Variants in SDK2 observed in about 807,000 individuals in gnomAD.
SDK2 encodes sidekick cell adhesion molecule 2.
SDK2 carries 105 observed loss-of-function variants against 253.9 expected under a neutral mutation model. The observed-to-expected ratio is 0.41, with a 90% CI of 0.35 to 0.49. SDK2 has a LOEUF of 0.49. Among genes scored for constraint, SDK2 ranks in the 20% least tolerant of loss-of-function variants. The probability of loss-of-function intolerance (pLI) is 0.06; values close to 1 mark genes in which losing one functional copy is unlikely to be tolerated. For missense variants in SDK2, 2,608 were observed against 3,003.0 expected (o/e 0.87, Z 3.07); for synonymous variants, 1,249 against 1,234.9 (o/e 1.01, Z -0.24).
chr17:73,433,076 T>C (rs2063340510), intron 10 of SDK2, among the ~76,000 whole-genome samples: 2 of 152,142 alleles, frequency 1.3e-5, no homozygotes. Context: ...TATCGTTTCC[T>C]GGGCTTTCGG....
chr17:73,557,042 G>C (rs2045154114), intron 1 of SDK2, among the ~76,000 whole-genome samples: 1 of 152,322 alleles, frequency 6.6e-6, no homozygotes, highest in South Asian at 2.1e-4. Flanking sequence ...GCAGACACTG[G>C]GGTTGGCCTT....
chr17:73,566,158 C>CT (rs1195598748), intron 1 of SDK2, among the ~76,000 whole-genome samples: 1 of 152,154 alleles, frequency 6.6e-6, no homozygotes, highest in East Asian at 1.9e-4. Flanking sequence ...CACCTCCTGC[C>CT]TTCTAACTTG....
At chr17:73,462,687 G>A (rs1213308220) in intron 3 of SDK2, among the ~76,000 whole-genome samples, 2 of 152,122 alleles carry the variant, frequency 1.3e-5, no homozygotes, top group African/African-American at 2.4e-5. Context: ...ATGGTTGTAT[G>A]TATGCATACA....
chr17:73,440,273 T>A (rs1461843685), intron 6 of SDK2, among the ~76,000 whole-genome samples: 4 of 151,978 alleles, frequency 2.6e-5, no homozygotes, highest in Non-Finnish European at 5.9e-5. Flanking sequence ...ACCTGGCTAA[T>A]TTTTGTATTT....
At position 73,447,873 on chromosome 17, in the gene SDK2, C is replaced by T; in HGVS notation, c.480-125G>A. ...CCCAGTCCCCAGCCTCCCAGGGCCC[C>T]TCCTGCCACCCCCTCCCCAACCTCT... On this transcript the variant is annotated intron_variant, in intron 4 of 44. Coordinates refer to ENST00000392650, the MANE Select transcript of SDK2 (RefSeq NM_001144952.2). The surrounding 1 kb of genome is among the most constrained non-coding windows in gnomAD (Gnocchi z 4.0). The T allele has an allele frequency of 9.1e-7, 1 of 1,096,584 alleles. No homozygotes were observed. The highest frequency in any genetic ancestry group is 1.3e-6 in the Non-Finnish European group (1 of 763,428). 67.9% of individuals were successfully genotyped at this position (1,096,584 alleles called of 1,614,324 possible).
chr17:73,570,364 A>G lies in SDK2; in HGVS notation c.65-62767T>C, dbSNP rs2045367534. 6.6e-6 allele frequency among the ~76,000 whole-genome samples: 1 copy of G among 152,128 alleles called. No homozygotes were observed. The highest frequency in any genetic ancestry group is 6.5e-5 in the Admixed American group (1 of 15,286). ...GCTCTGTTTTCTCAAATCGCAGCAG[A>G]GCATATGCTCAATAAAGAGCCTCCA... On this transcript the variant is annotated intron_variant, in intron 1 of 44. Coordinates refer to ENST00000392650, the MANE Select transcript of SDK2 (RefSeq NM_001144952.2). The surrounding 1 kb of genome is among the most constrained non-coding windows in gnomAD (Gnocchi z 4.2).
At chr17:73,533,597 C>T (rs1373221933) in intron 1 of SDK2, among the ~76,000 whole-genome samples, 1 of 152,232 alleles carries the variant, frequency 6.6e-6, no homozygotes, top group Non-Finnish European at 1.5e-5. Flanking sequence ...ACTCAGGTTC[C>T]AAAACGCTCT....
At chr17:73,596,654 C>G (rs1370071555) in intron 1 of SDK2, among the ~76,000 whole-genome samples, 2 of 152,244 alleles carry the variant, frequency 1.3e-5, no homozygotes, top group African/African-American at 2.4e-5. Flanking sequence ...ATGTTCCCCC[C>G]ACCCCCAGAA....
intron 21 of SDK2, 85 bp from the exon 22 acceptor site, chr17:73,399,374 T>C: frequency 7.1e-7 from 1 of 1,400,614 alleles, no homozygotes; most frequent in Non-Finnish European, 1.0e-6. Context: ...TGGAGGGGGC[T>C]GTGTGTCACG....
Position 73,383,241 on chromosome 17 carries a change from A to G in SDK2, c.4705+635T>C. On this transcript the variant is annotated intron_variant, in intron 33 of 44. Transcript: ENST00000392650. The surrounding 1 kb of genome is among the most constrained non-coding windows in gnomAD (Gnocchi z 4.3). ...CAAGCCATCATCCTCATGCCACCAA[A>G]GTGGCTCCTAACACAAAAGTCCAAA... 6.6e-6 allele frequency among the ~76,000 whole-genome samples: 1 copy of G among 152,150 alleles called. No homozygotes were observed.
intron 17 of SDK2, 31 bp downstream of exon 17, chr17:73,415,780 C>T (rs1462233346): frequency 2.1e-5 from 33 of 1,538,474 alleles, no homozygotes; most frequent in Middle Eastern, 3.3e-4. Context: ...TGAGCCACCG[C>T]GCCTGGTCTG....
At chr17:73,413,554 T>G (rs2063156293) in intron 18 of SDK2, among the ~76,000 whole-genome samples, 1 of 152,144 alleles carries the variant, frequency 6.6e-6, no homozygotes, top group South Asian at 2.1e-4. Flanking sequence ...AGCAATCCAG[T>G]CTGTGGTACT....
chr17:73,622,455 G>A (rs2046145278), intron 1 of SDK2, among the ~76,000 whole-genome samples: 1 of 152,174 alleles, frequency 6.6e-6, no homozygotes, highest in South Asian at 2.1e-4. Flanking sequence ...TGTTTTCATA[G>A]CTGGGACAAG....
intron 42 of SDK2, 115 bp downstream of exon 42, chr17:73,350,535 C>G (rs1335826307): frequency 1.2e-5 from 17 of 1,410,506 alleles, no homozygotes; most frequent in Non-Finnish European, 1.6e-5. Context: ...CCCCACCCAC[C>G]AGAGCAGGTG....
intron 1 of SDK2, among the ~76,000 whole-genome samples, chr17:73,608,683 T>G (rs764983281): frequency 6.6e-6 from 1 of 152,164 alleles, no homozygotes; most frequent in African/African-American, 2.4e-5. Context: ...CCTCAGGTGA[T>G]CCACCTGCCT....
At position 73,511,227 on chromosome 17, in the gene SDK2, G is replaced by A. The variant is rs1319100193; in HGVS notation, c.65-3630C>T. ...CACTCGTTTGTTTTAAAACAATAACGATCCAGCCCCTGGGTGATTAAATCC... is the reference window on the plus strand; with the variant it reads ...CACTCGTTTGTTTTAAAACAATAACAATCCAGCCCCTGGGTGATTAAATCC... On this transcript the variant is annotated intron_variant, in intron 1 of 44. Coordinates refer to ENST00000392650, the MANE Select transcript of SDK2 (RefSeq NM_001144952.2). This position sits in a 1 kb window ranked among gnomAD's most constrained non-coding sequence, Gnocchi z 4.9. Among the ~76,000 whole-genome samples, 1 of 152,180 alleles carries A rather than the reference G, an allele frequency of 6.6e-6. No homozygotes were observed. The highest frequency in any genetic ancestry group is 1.5e-5 in the Non-Finnish European group (1 of 68,032).
intron 1 of SDK2, among the ~76,000 whole-genome samples, chr17:73,547,228 G>A (rs1174914808): frequency 1.3e-5 from 2 of 152,230 alleles, no homozygotes; most frequent in Non-Finnish European, 2.9e-5. Flanking sequence ...CTGCAGGGCA[G>A]GCAGGTCTCT....
rs1251371527 is a variant in SDK2 at position 73,534,772 on chromosome 17, G to A, written c.65-27175C>T. Among the ~76,000 whole-genome samples the A allele has an allele frequency of 6.6e-6, 1 of 152,124 alleles. No individual in the cohort carries two copies. The highest frequency in any genetic ancestry group is 2.1e-4 in the South Asian group (1 of 4,818). On this transcript the variant is annotated intron_variant, in intron 1 of 44. Transcript: ENST00000392650. The surrounding 1 kb of genome is among the most constrained non-coding windows in gnomAD (Gnocchi z 4.9). ...CCTGACCTTTCTTCCTCTCATCTAG[G>A]GGAAAGCGGCTTCTATTACCTAAAC...
intron 36 of SDK2, among the ~76,000 whole-genome samples, chr17:73,369,721 C>A (rs920858422): frequency 2.0e-5 from 3 of 152,234 alleles, no homozygotes; most frequent in South Asian, 2.1e-4. Context: ...TGCTGTGGTG[C>A]GATCTTGCTC....
Sources: allele counts gnomAD v4.1 joint callset (sites outside exome capture counted in the v4.1 genomes callset), GRCh38; gene constraint gnomAD v4.1.1; non-coding constraint Gnocchi (gnomAD v3.1); transcripts MANE v1.5; gene names NCBI Gene and HGNC (gene_info 2026-07-23, HGNC 2026-07-21).